Variants in PLCL2 observed in about 807,000 individuals in gnomAD.
The protein encoded by PLCL2 is inactive phospholipase C-like protein 2.
Under a neutral mutation model 79.6 loss-of-function variants are expected in PLCL2, and 4 were observed. The observed-to-expected ratio is 0.05, with a 90% CI of 0.02 to 0.11. The LOEUF (loss-of-function observed/expected upper bound fraction) is 0.11. Among genes scored for constraint, PLCL2 ranks in the 10% least tolerant of loss-of-function variants. The pLI is 1.00. For synonymous variants in PLCL2, 484 were observed against 457.7 expected (o/e 1.06, Z -0.73); for missense variants, 895 against 1,291.0 (o/e 0.69, Z 4.70).
chr3:17,061,047 G>T (rs1342475566), intron 4 of PLCL2, among the ~76,000 whole-genome samples: 1 of 152,080 alleles, frequency 6.6e-6, no homozygotes, highest in Non-Finnish European at 1.5e-5. Flanking sequence ...TCCTTATGAA[G>T]AATTTTTAAA....
At chr3:16,931,647 C>T (rs888612059) in intron 1 of PLCL2, among the ~76,000 whole-genome samples, 1 of 152,166 alleles carries the variant, frequency 6.6e-6, no homozygotes, top group African/African-American at 2.4e-5. Context: ...GGTCCAGGTT[C>T]CAGTTCGGTT....
chr3:16,896,009 G>T (rs530828388), intron 1 of PLCL2, among the ~76,000 whole-genome samples: 4 of 152,294 alleles, frequency 2.6e-5, no homozygotes, highest in African/African-American at 9.6e-5. Context: ...TTCTGCATCT[G>T]GTTGGTGATT....
intron 1 of PLCL2, among the ~76,000 whole-genome samples, chr3:16,986,315 A>G (rs768356893): frequency 1.3e-5 from 2 of 152,028 alleles, no homozygotes; most frequent in Non-Finnish European, 2.9e-5. Flanking sequence ...CTGGCACACC[A>G]TAATTATTCA....
chr3:17,059,801 A>T, intron 4 of PLCL2, among the ~76,000 whole-genome samples: 1 of 152,198 alleles, frequency 6.6e-6, no homozygotes, highest in East Asian at 1.9e-4. Context: ...ATTTCAGTTT[A>T]TACTTTTAAA....
chr3:17,012,541 A>G (rs1442548163), intron 2 of PLCL2, among the ~76,000 whole-genome samples: 2 of 152,220 alleles, frequency 1.3e-5, no homozygotes. Flanking sequence ...ATATAGGTCA[A>G]AGTAAAATGG....
At chr3:16,941,345 T>G (rs1263406399) in intron 1 of PLCL2, among the ~76,000 whole-genome samples, 1 of 152,190 alleles carries the variant, frequency 6.6e-6, no homozygotes, top group East Asian at 1.9e-4. Flanking sequence ...CTTTTTAAAC[T>G]AAGTTGCCCC....
At chr3:16,995,014 C>T (rs1315717603) in intron 1 of PLCL2, among the ~76,000 whole-genome samples, 1 of 152,186 alleles carries the variant, frequency 6.6e-6, no homozygotes, top group East Asian at 1.9e-4. Flanking sequence ...CTGCAGGGCT[C>T]CCCTTCTTGG....
At chr3:16,970,983 T>G (rs2063857039) in intron 1 of PLCL2, among the ~76,000 whole-genome samples, 1 of 152,194 alleles carries the variant, frequency 6.6e-6, no homozygotes, top group Non-Finnish European at 1.5e-5. Flanking sequence ...GATAAGTAGG[T>G]TGCGAAAATT....
At chr3:17,050,294 G>A (rs2064826173) in intron 4 of PLCL2, among the ~76,000 whole-genome samples, 1 of 152,082 alleles carries the variant, frequency 6.6e-6, no homozygotes, top group African/African-American at 2.4e-5. Flanking sequence ...TACAAGCACA[G>A]GCAACCAAAG....
intron 4 of PLCL2, among the ~76,000 whole-genome samples, chr3:17,049,740 A>AC (rs1257688514): frequency 1.3e-5 from 2 of 152,206 alleles, no homozygotes; most frequent in South Asian, 4.1e-4. Context: ...CAATATTGTT[A>AC]AAATGTCCAT....
chr3:16,960,061 C>A (rs1290656124), intron 1 of PLCL2, among the ~76,000 whole-genome samples: 1 of 152,048 alleles, frequency 6.6e-6, no homozygotes, highest in African/African-American at 2.4e-5. Context: ...GCCGAGATTG[C>A]GCCACTGCAC....
At chr3:16,899,836 GC>G (rs11462292) in intron 1 of PLCL2, among the ~76,000 whole-genome samples, 1 of 72,206 alleles carries the variant, frequency 1.4e-5, no homozygotes. Flanking sequence ...CCCCCCCGCC[GC>G]CCCCCGTCAA....
At chr3:16,915,339 G>T (rs1322828284) in intron 1 of PLCL2, among the ~76,000 whole-genome samples, 2 of 152,084 alleles carry the variant, frequency 1.3e-5, no homozygotes, top group African/African-American at 4.8e-5. Context: ...TTTTTAAGGT[G>T]AGAGATTCTG....
intron 1 of PLCL2, among the ~76,000 whole-genome samples, chr3:16,944,820 C>A (rs541658670): frequency 6.6e-6 from 1 of 151,096 alleles, no homozygotes; most frequent in East Asian, 1.9e-4. Flanking sequence ...AGTGCAGTGG[C>A]GTGATCTTGG....
intron 1 of PLCL2, among the ~76,000 whole-genome samples, chr3:16,973,490 TTTAA>T (rs1210327847): frequency 2.0e-5 from 3 of 152,150 alleles, no homozygotes; most frequent in African/African-American, 7.2e-5. Context: ...GAATGATCTC[TTTAA>T]ACTACATAAA....
chr3:16,947,524 C>A (rs546890220), intron 1 of PLCL2, among the ~76,000 whole-genome samples: 7 of 152,272 alleles, frequency 4.6e-5, no homozygotes, highest in African/African-American at 1.7e-4. Context: ...TGGTGTTTTG[C>A]ACTTTTGGAG....
At chr3:16,975,325 C>T (rs1223324426) in intron 1 of PLCL2, among the ~76,000 whole-genome samples, 1 of 152,198 alleles carries the variant, frequency 6.6e-6, no homozygotes, top group African/African-American at 2.4e-5. Flanking sequence ...TTCGCTTACT[C>T]ATGGCATAGC....
chr3:17,012,805 C>T (rs2064341465), intron 2 of PLCL2, among the ~76,000 whole-genome samples: 1 of 152,216 alleles, frequency 6.6e-6, no homozygotes, highest in Non-Finnish European at 1.5e-5. Flanking sequence ...TAGCCATACG[C>T]TAGGACCCCT....
intron 1 of PLCL2, among the ~76,000 whole-genome samples, chr3:16,966,487 G>C (rs2063807755): frequency 6.6e-6 from 1 of 151,884 alleles, no homozygotes; most frequent in Non-Finnish European, 1.5e-5. Context: ...CTCTTTTTTT[G>C]TTGTGTCTCT....
Sources: allele counts gnomAD v4.1 joint callset (sites outside exome capture counted in the v4.1 genomes callset), GRCh38; gene constraint gnomAD v4.1.1; transcripts MANE v1.5; gene names NCBI Gene and HGNC (gene_info 2026-07-23, HGNC 2026-07-21).